The following LSM14A variants were observed in gnomAD, a reference collection of about 807,000 sequenced individuals.
LSM14A encodes LSM14A mRNA processing body assembly factor.
A neutral mutation model predicts 52.4 loss-of-function variants in LSM14A; 14 were observed. That is an observed-to-expected ratio of 0.27 (90% confidence interval 0.18 to 0.42). LSM14A has a LOEUF of 0.42. LSM14A is among the 10% of genes least tolerant of loss of function. The pLI is 1.00. For missense variants in LSM14A, 417 were observed against 581.8 expected, an observed-to-expected ratio of 0.72 and a Z score of 2.91; for synonymous variants, 185 against 200.3, an observed-to-expected ratio of 0.92 and a Z score of 0.64.
intron 1 of LSM14A, among the ~76,000 whole-genome samples, chr19:34,173,414 C>A (rs1244760504): frequency 6.6e-6 from 1 of 152,126 alleles, no homozygotes; most frequent in African/African-American, 2.4e-5. Flanking sequence ...TTGCTGCTGC[C>A]CCGACGCCCC....
intron 9 of LSM14A, chr19:34,226,375 C>CTTTTTTTTTT (rs528137318): frequency 1.5e-4 from 183 of 1,195,934 alleles, no homozygotes; most frequent in South Asian, 4.3e-4. Context: ...ATCTCTTTCT[C>CTTTTTTTTTT]TTTTTTTTTT....
chr19:34,192,255 T>C (rs890990942), intron 1 of LSM14A, among the ~76,000 whole-genome samples: 3 of 150,870 alleles, frequency 2.0e-5, no homozygotes, highest in African/African-American at 7.3e-5. Context: ...TCATAAGTAC[T>C]AGAAAGAACT....
At chr19:34,220,613 C>G (rs2145876550) in intron 8 of LSM14A, among the ~76,000 whole-genome samples, 1 of 133,686 alleles carries the variant, frequency 7.5e-6, no homozygotes, top group African/African-American at 2.8e-5. Flanking sequence ...CCTGCCCAAT[C>G]CAAATTGTCA....
chr19:34,221,034 A>G (rs1028320890), intron 8 of LSM14A, among the ~76,000 whole-genome samples: 1 of 151,034 alleles, frequency 6.6e-6, no homozygotes, highest in Admixed American at 6.6e-5. Flanking sequence ...ACAGGAACAT[A>G]TTGAACTCAT....
At chr19:34,226,307 C>A in intron 9 of LSM14A, 1 of 1,170,950 alleles carries the variant, frequency 8.5e-7, no homozygotes, top group Non-Finnish European at 1.2e-6. Context: ...AATGACTCAG[C>A]ATAATGCTCT....
At chr19:34,194,419 G>T in intron 1 of LSM14A, 59 bp from the exon 2 acceptor site, 1 of 1,355,408 alleles carries the variant, frequency 7.4e-7, no homozygotes, top group Non-Finnish European at 1.0e-6. Context: ...TTAGAATCTG[G>T]GGTACTACCT....
intron 1 of LSM14A, among the ~76,000 whole-genome samples, chr19:34,177,825 G>A (rs1218885400): frequency 6.6e-6 from 1 of 152,104 alleles, no homozygotes; most frequent in African/African-American, 2.4e-5. Context: ...GAGCCCAAGA[G>A]GAGCTGTGAT....
chr19:34,194,736 T>A, intron 2 of LSM14A, 95 bp downstream of exon 2: 1 of 1,149,588 alleles, frequency 8.7e-7, no homozygotes, highest in Non-Finnish European at 1.3e-6. Flanking sequence ...ATGTAGCTTA[T>A]CATTTCCAAG....
Position 34,212,453 on chromosome 19 carries a change from C to CA in LSM14A, c.539-2665dup, listed in dbSNP as rs943417961. On this transcript the variant is annotated intron_variant, in intron 4 of 9. Coordinates refer to ENST00000544216, the MANE Select transcript of LSM14A (RefSeq NM_015578.4). ...AGATTCTTTCCCTCATACTGAGCAC[C>CA]AAAAAATATATAAATTTTAAATAGA... Among the ~76,000 whole-genome samples, 40 of 151,872 alleles carry CA rather than the reference C, an allele frequency of 2.6e-4. No individual in the cohort carries two copies. The Middle Eastern group carries it at 0.01, about 39-fold the overall frequency.
At position 34,217,238 on chromosome 19, in the gene LSM14A, A is replaced by C. The variant is rs1264326469; in HGVS notation, c.781+1577A>C. 5.6e-5 allele frequency among the ~76,000 whole-genome samples: 8 copies of C among 141,866 alleles called. No homozygotes were observed. The Admixed American group carries it at 5.7e-4, about 10-fold the overall frequency. 93.1% of individuals were successfully genotyped at this position (141,866 alleles called of 152,430 possible). ...GTACCACTGCACTCCAGCCTGGGCA[A>C]CAGAGCGAGAGTCTGTCAAAAAAAA... On this transcript the variant is annotated intron_variant, in intron 6 of 9. Transcript: ENST00000544216.
chr19:34,177,196 T>C (rs1361318442), intron 1 of LSM14A, among the ~76,000 whole-genome samples: 2 of 152,206 alleles, frequency 1.3e-5, no homozygotes, highest in Non-Finnish European at 2.9e-5. Flanking sequence ...AGTAGTTTCT[T>C]TAAATTAACA....
chr19:34,192,319 G>GTTGTTGTTGTTTTTTTTTTT, intron 1 of LSM14A, among the ~76,000 whole-genome samples: 1 of 53,412 alleles, frequency 1.9e-5, no homozygotes, highest in Non-Finnish European at 3.3e-5. Flanking sequence ...TCTTTTTGTT[G>GTTGTTGTTGTTTTTTTTTTT]TTTTTTTTTT....
intron 1 of LSM14A, among the ~76,000 whole-genome samples, chr19:34,179,282 A>G (rs147841177): frequency 6.6e-6 from 1 of 152,364 alleles, no homozygotes; most frequent in East Asian, 1.9e-4. Flanking sequence ...GGCATAATTT[A>G]TCTACTTCTT....
Position 34,227,428 on chromosome 19 carries a change from CTT to C in LSM14A, c.*41_*42del. Reference sequence around the variant, plus strand: ...TCTGAAAATAGGTGAATTTCTAGCTCTTCATGGTCCTGAACATTGATTTCAGT... The same window carrying C: ...TCTGAAAATAGGTGAATTTCTAGCTCCATGGTCCTGAACATTGATTTCAGT... On this transcript the variant is annotated 3_prime_UTR_variant, in exon 10 of 10. Transcript: ENST00000544216. 1 of 1,483,806 alleles carries C rather than the reference CTT, an allele frequency of 6.7e-7. No individual in the cohort carries two copies. The highest frequency in any genetic ancestry group is 9.2e-7 in the Non-Finnish European group (1 of 1,081,484). The allele number at this position is 1,483,806 out of a possible 1,614,324, so 91.9% of individuals were successfully genotyped here. A position where few individuals can be genotyped will look rare whatever the true frequency, so the allele number is the denominator to read the frequency against.
intron 8 of LSM14A, 87 bp downstream of exon 8, chr19:34,219,964 C>A: frequency 1.1e-6 from 1 of 945,190 alleles, no homozygotes; most frequent in Non-Finnish European, 1.6e-6. Context: ...TTAATGAATA[C>A]TACCATAATT....
chr19:34,215,702 A>T, intron 6 of LSM14A, 41 bp downstream of exon 6: 1 of 1,328,700 alleles, frequency 7.5e-7, no homozygotes, highest in Non-Finnish European at 1.1e-6. Context: ...ATGCTTCTCA[A>T]CAGGGAGAAT....
At chr19:34,216,981 G>A (rs1003543946) in intron 6 of LSM14A, among the ~76,000 whole-genome samples, 1 of 152,074 alleles carries the variant, frequency 6.6e-6, no homozygotes, top group African/African-American at 2.4e-5. Flanking sequence ...AAGCCCAGAG[G>A]CCAGGCACGG....
chr19:34,204,767 A>G (rs1257385752), intron 3 of LSM14A, among the ~76,000 whole-genome samples: 1 of 152,212 alleles, frequency 6.6e-6, no homozygotes, highest in Non-Finnish European at 1.5e-5. Context: ...TTTAATGACC[A>G]GAAAGTTTGT....
At chr19:34,197,100 G>C (rs1216525842) in intron 3 of LSM14A, among the ~76,000 whole-genome samples, 2 of 151,230 alleles carry the variant, frequency 1.3e-5, no homozygotes, top group African/African-American at 4.8e-5. Context: ...GTTTTGTTTT[G>C]TTTTTTTTAA....
Sources: gnomAD v4.1 joint callset for allele counts (sites outside exome capture counted in the v4.1 genomes callset) on GRCh38, gnomAD v4.1.1 for gene constraint, MANE v1.5 for transcripts, NCBI Gene and HGNC (gene_info 2026-07-23, HGNC 2026-07-21) for gene names.